Variants in SYT14 observed in about 807,000 individuals in gnomAD.
SYT14 encodes the protein synaptotagmin-14.
In SYT14, 32 loss-of-function variants were observed where a neutral mutation model predicts 74.2. The ratio of observed to expected loss-of-function variants is 0.43; its 90% confidence interval spans 0.33 to 0.58. The LOEUF (loss-of-function observed/expected upper bound fraction) is 0.58. Ranked by LOEUF, SYT14 falls within the 20% of genes least tolerant of loss-of-function variation. The pLI is 0.05. For missense variants in SYT14, 791 were observed against 981.8 expected, an observed-to-expected ratio of 0.81 and a Z score of 2.60; for synonymous variants, 298 against 337.7, an observed-to-expected ratio of 0.88 and a Z score of 1.29.
rs184588327 is a variant in SYT14 at position 210,158,149 on chromosome 1, T to C, written c.2225-1272T>C. ...CCCTTTCTCATTTCAGAAGGAGAAA[T>C]TGAGTGGGAGAAAAGAAGCAATTTC... On this transcript the variant is annotated intron_variant, in intron 8 of 9. Transcript: ENST00000637265. 3.3e-5 allele frequency among the ~76,000 whole-genome samples: 5 copies of C among 152,178 alleles called. No individual in the cohort carries two copies. The East Asian group carries it at 9.7e-4, about 29-fold the overall frequency.
exon 10 of SYT14, chr1:210,164,975 C>T (rs930333389): frequency 6.6e-6 from 1 of 152,140 alleles, no homozygotes; most frequent in African/African-American, 2.4e-5. Context: ...TGTCTCTGCC[C>T]TCCAAAGTGA....
chr1:210,103,010 G>A (rs1404832582), intron 7 of SYT14, among the ~76,000 whole-genome samples: 1 of 151,990 alleles, frequency 6.6e-6, no homozygotes, highest in East Asian at 1.9e-4. Flanking sequence ...ACTTATTATT[G>A]TTGTCATTTT....
intron 7 of SYT14, among the ~76,000 whole-genome samples, chr1:210,102,023 C>A (rs1433229474): frequency 1.3e-5 from 2 of 152,128 alleles, no homozygotes; most frequent in African/African-American, 4.8e-5. Flanking sequence ...ATTCTGTAAT[C>A]TTTTTCTGCC....
At chr1:209,985,176 A>T (rs2079549611) in intron 2 of SYT14, among the ~76,000 whole-genome samples, 1 of 152,228 alleles carries the variant, frequency 6.6e-6, no homozygotes, top group South Asian at 2.1e-4. Context: ...CTCATCTGAT[A>T]CAAGGCAATT....
At chr1:210,095,972 A>C (rs1010530968) in intron 6 of SYT14, among the ~76,000 whole-genome samples, 2 of 152,198 alleles carry the variant, frequency 1.3e-5, no homozygotes, top group Non-Finnish European at 2.9e-5. Context: ...GTTAACAGTG[A>C]AGCCTGGATT....
rs758549509 is a variant in SYT14, at chr1:210,021,035, A to G, written c.1097-4A>G. 44 of 1,613,328 alleles carry G rather than the reference A, an allele frequency of 2.7e-5. No individual in the cohort carries two copies. The South Asian group carries it at 4.8e-4, about 18-fold the overall frequency. On this transcript the variant is annotated splice_region_variant and splice_polypyrimidine_tract_variant and intron_variant, in intron 4 of 9. Coordinates refer to ENST00000637265, the Ensembl canonical transcript of SYT14. ...CCGTTTGTTCTTCATGTCATTCCAA[A>G]TAGATAATTCCTACATGGACAAAGA...
chr1:209,940,473 A>G (rs928817109), intron 1 of SYT14, among the ~76,000 whole-genome samples: 2 of 151,790 alleles, frequency 1.3e-5, no homozygotes, highest in South Asian at 2.1e-4. Flanking sequence ...TTCATGTTCT[A>G]TTCGGAGAGA....
At chr1:210,147,915 GC>G (rs143304214) in intron 7 of SYT14, among the ~76,000 whole-genome samples, 1 of 152,218 alleles carries the variant, frequency 6.6e-6, no homozygotes, top group African/African-American at 2.4e-5. Context: ...AGCGGATGGA[GC>G]AGCCCATCCT....
chr1:209,976,883 G>A (rs540836908), intron 2 of SYT14, among the ~76,000 whole-genome samples: 2 of 152,072 alleles, frequency 1.3e-5, no homozygotes, highest in South Asian at 2.1e-4. Context: ...ATGAATCTGG[G>A]TGCTCCTGTA....
chr1:210,132,605 A>G (rs961529410), intron 7 of SYT14, among the ~76,000 whole-genome samples: 2 of 109,792 alleles, frequency 1.8e-5, no homozygotes, highest in Admixed American at 9.8e-5. Flanking sequence ...GTGTGTGTGT[A>G]GCCACTAACT....
intron 1 of SYT14, among the ~76,000 whole-genome samples, chr1:209,951,748 C>G (rs533211998): frequency 6.6e-6 from 1 of 152,046 alleles, no homozygotes; most frequent in South Asian, 2.1e-4. Flanking sequence ...CATATGTATG[C>G]ATGAATATAT....
At chr1:210,122,877 G>C (rs1415889708) in intron 7 of SYT14, among the ~76,000 whole-genome samples, 2 of 152,116 alleles carry the variant, frequency 1.3e-5, no homozygotes, top group Non-Finnish European at 2.9e-5. Context: ...AAATAAATTT[G>C]TGCTTTTATA....
At chr1:209,959,292 G>A (rs1414801413) in intron 2 of SYT14, among the ~76,000 whole-genome samples, 1 of 152,062 alleles carries the variant, frequency 6.6e-6, no homozygotes, top group African/African-American at 2.4e-5. Flanking sequence ...ACAGGTGTGT[G>A]CCACCACACC....
chr1:210,079,015 A>C (rs2081568737), intron 5 of SYT14, among the ~76,000 whole-genome samples: 1 of 152,032 alleles, frequency 6.6e-6, no homozygotes, highest in Non-Finnish European at 1.5e-5. Flanking sequence ...CTGGCCTCTA[A>C]GTGCTGGGAT....
intron 5 of SYT14, among the ~76,000 whole-genome samples, chr1:210,068,879 T>C (rs1407885067): frequency 6.6e-6 from 1 of 151,812 alleles, no homozygotes; most frequent in Non-Finnish European, 1.5e-5. Flanking sequence ...TACTTCATTG[T>C]TTTTCAGTCT....
chr1:210,169,221 GTTTTTTTTTTTTT>G (rs35974726), exon 10 of SYT14: 97 of 50,236 alleles, frequency 1.9e-3, no homozygotes, highest in African/African-American at 5.9e-3. Context: ...TGTTTTTGGT[GTTTTTTTTTTTTT>G]TTTTTTTTTT....
intron 5 of SYT14, among the ~76,000 whole-genome samples, chr1:210,031,420 C>G (rs1363980348): frequency 1.3e-5 from 2 of 152,022 alleles, no homozygotes; most frequent in East Asian, 3.9e-4. Flanking sequence ...TAGGGTGATG[C>G]TGGCCTCATA....
chr1:209,984,386 G>C (rs941216058), intron 2 of SYT14, among the ~76,000 whole-genome samples: 4 of 152,110 alleles, frequency 2.6e-5, no homozygotes, highest in African/African-American at 9.7e-5. Flanking sequence ...CCAGAGTTTT[G>C]AAATAGTTGA....
intron 5 of SYT14, among the ~76,000 whole-genome samples, chr1:210,064,910 A>G (rs1572238114): frequency 6.6e-6 from 1 of 151,806 alleles, no homozygotes; most frequent in Non-Finnish European, 1.5e-5. Context: ...ATTCCTCCAC[A>G]CCCTCGCCAA....
Sources: gnomAD v4.1 joint callset for allele counts (sites outside exome capture counted in the v4.1 genomes callset) on GRCh38, gnomAD v4.1.1 for gene constraint, MANE v1.5 for transcripts, NCBI Gene and HGNC (gene_info 2026-07-23, HGNC 2026-07-21) for gene names.